The following GBP5 variants were observed in gnomAD, a reference collection of about 807,000 sequenced individuals.
GBP5 encodes guanylate-binding protein 5.
A neutral mutation model predicts 58.2 loss-of-function variants in GBP5; 48 were observed. That is an observed-to-expected ratio of 0.83 (90% CI 0.65 to 1.05). GBP5 has a LOEUF of 1.05. Among genes scored for constraint, GBP5 ranks in the 50% least tolerant of loss-of-function variants. The pLI is 0.00. For synonymous variants in GBP5, 248 were observed against 251.8 expected (o/e 0.98, Z 0.14); for missense variants, 714 against 686.8 (o/e 1.04, Z -0.44).
Position 89,262,516 on chromosome 1 carries a change from C to G in GBP5, c.1466-115G>C, listed in dbSNP as rs1650049028. The G allele has an allele frequency of 6.7e-6, 7 of 1,043,964 alleles. No homozygotes were observed. The South Asian group carries it at 1.1e-4, about 16-fold the overall frequency. 64.7% of individuals were successfully genotyped at this position (1,043,964 alleles called of 1,614,324 possible). On this transcript the variant is annotated intron_variant, in intron 10 of 11. Coordinates refer to ENST00000370459, the MANE Select transcript of GBP5 (RefSeq NM_052942.5). Reference sequence around the variant, plus strand: ...TAAAATTCCCAGGGGTTGTTTTTCCCTTCCAGGTAACCACAATGCAGGATC... The same window carrying G: ...TAAAATTCCCAGGGGTTGTTTTTCCGTTCCAGGTAACCACAATGCAGGATC...
rs899523260 is a variant in GBP5, at chr1:89,268,831, C to T, written c.216G>A (p.Gln72=). 1 of 1,613,972 alleles carries T rather than the reference C, an allele frequency of 6.2e-7. No homozygotes were observed. The highest frequency in any genetic ancestry group is 1.7e-5 in the Admixed American group (1 of 60,018). Residue 72 remains glutamine, a synonymous_variant, in exon 4 of 12, where the codon CAG becomes CAA. Transcript: ENST00000370459. ...ATATCCAAATTCCCTTGGTGTGAGA[C>T]TGCACCGTAGATGCAACAGAGAAGC... ...NKGFSVASTV[Q]SHTKGIWIWC...
chr1:89,262,884 T>C, intron 9 of GBP5, 99 bp from the exon 10 acceptor site: 1 of 725,798 alleles, frequency 1.4e-6, no homozygotes, highest in Non-Finnish European at 2.2e-6. Flanking sequence ...CTATTCCTCA[T>C]AGGAGAGGCT....
intron 5 of GBP5, 74 bp downstream of exon 5, chr1:89,267,343 T>A (rs1650261937): frequency 2.6e-6 from 3 of 1,143,626 alleles, no homozygotes; most frequent in Admixed American, 3.5e-5. Context: ...ATTCACAAGG[T>A]CTCACAGACA....
At chr1:89,269,283 A>T in intron 3 of GBP5, 83 bp downstream of exon 3, 1 of 1,339,176 alleles carries the variant, frequency 7.5e-7, no homozygotes, top group Non-Finnish European at 1.1e-6. Flanking sequence ...CTCATGTCTT[A>T]CTCTCTCCTT....
chr1:89,265,105 A>G lies in GBP5; in HGVS notation c.869-139T>C, dbSNP rs1244627081. 9 of 770,610 alleles carry G rather than the reference A, an allele frequency of 1.2e-5. No individual in the cohort carries two copies. The East Asian group carries it at 2.4e-4, about 21-fold the overall frequency. 47.7% of individuals were successfully genotyped at this position (770,610 alleles called of 1,614,324 possible). A position where few individuals can be genotyped will look rare whatever the true frequency, so the allele number is the denominator to read the frequency against. The stretch of plus-strand genomic sequence containing the variant: ...TATGGACAGTAGTCAAGTGGCCCAA[A>G]TAAGTTTATTTGGGAAACTGTGCTA... On this transcript the variant is annotated intron_variant, in intron 7 of 11. Coordinates refer to ENST00000370459, the MANE Select transcript of GBP5 (RefSeq NM_052942.5).
rs1262104307 is a variant in GBP5, at chr1:89,272,754, G to C, written c.-430C>G. On this transcript the variant is annotated 5_prime_UTR_variant, in exon 1 of 12. Transcript: ENST00000370459. The stretch of plus-strand genomic sequence containing the variant: ...GTGAAGCTGCAGACATTCCCAGTGA[G>C]TGTTACAGCTCATAAAGGCAGTGTG... 1 of 152,962 alleles carries C rather than the reference G, an allele frequency of 6.5e-6. No individual in the cohort carries two copies. Among genetic ancestry groups the C allele is most frequent in the African/African-American group, 2.4e-5 (1 of 41,466 alleles). 9.5% of individuals were successfully genotyped at this position (152,962 alleles called of 1,614,324 possible).
chr1:89,268,938 G>A lies in GBP5; in HGVS notation c.191-82C>T, dbSNP rs1328296420. ...GCTTGATCATTCAGCTAGAGTTTAA[G>A]GAAAGCAAGATGAGGAGATAGCAGA... On this transcript the variant is annotated intron_variant, in intron 3 of 11. Coordinates refer to ENST00000370459, the MANE Select transcript of GBP5 (RefSeq NM_052942.5). 7.6e-6 allele frequency: 11 copies of A among 1,444,574 alleles called. No homozygotes were observed. In the Admixed American group the frequency reaches 9.7e-5, roughly 13 times the overall value. The allele number at this position is 1,444,574 out of a possible 1,614,324, so 89.5% of individuals were successfully genotyped here.
In GBP5 at chr1:89,257,982, G is replaced by A. The variant is rs903141913; in HGVS notation, c.*2722C>T. ...AACTAGATCAGTTGATTTCACAACA[G>A]TAAGACAAAGAAAGTCAGAAAATAT... On this transcript the variant is annotated 3_prime_UTR_variant, in exon 12 of 12. Transcript: ENST00000370459. Among the ~76,000 whole-genome samples the A allele has an allele frequency of 5.3e-5, 8 of 152,222 alleles. No homozygotes were observed. Among genetic ancestry groups the A allele is most frequent in the Non-Finnish European group, 1.2e-4 (8 of 68,042 alleles).
Position 89,258,729 on chromosome 1 carries a change from A to G in GBP5, c.*1975T>C, listed in dbSNP as rs1301837682. On this transcript the variant is annotated 3_prime_UTR_variant, in exon 12 of 12. Transcript: ENST00000370459. The stretch of plus-strand genomic sequence containing the variant: ...TGGAAAATTCCTTATATGAGTAAGT[A>G]CTTATAAGGGAGAAAAACAGAGCTT... Among the ~76,000 whole-genome samples, 1 of 152,178 alleles carries G rather than the reference A, an allele frequency of 6.6e-6. No homozygotes were observed. The highest frequency in any genetic ancestry group is 1.5e-5 in the Non-Finnish European group (1 of 68,016).
chr1:89,260,657 T>C lies in GBP5; in HGVS notation c.*47A>G. On this transcript the variant is annotated 3_prime_UTR_variant, in exon 12 of 12. Transcript: ENST00000370459. ...GGTCTACAGTTTCTTTTCTGTTGTG[T>C]CATCAGTGACAAAGAGTAAAAAAAG... 8 of 1,102,664 alleles carry C rather than the reference T, an allele frequency of 7.3e-6. No individual in the cohort carries two copies. The highest frequency in any genetic ancestry group is 9.7e-6 in the Non-Finnish European group (7 of 721,108). The allele number at this position is 1,102,664 out of a possible 1,614,324, so 68.3% of individuals were successfully genotyped here.
At chr1:89,267,341 G>A (rs1273224931) in intron 5 of GBP5, 76 bp downstream of exon 5, 1 of 1,120,166 alleles carries the variant, frequency 8.9e-7, no homozygotes, top group African/African-American at 1.6e-5. Context: ...TGATTCACAA[G>A]GTCTCACAGA....
chr1:89,269,652 A>G, intron 2 of GBP5, 78 bp from the exon 3 acceptor site: 1 of 947,820 alleles, frequency 1.1e-6, no homozygotes, highest in Non-Finnish European at 1.6e-6. Context: ...TGCTTACTGA[A>G]CCTGGGGACA....
chr1:89,262,030 G>C, intron 11 of GBP5, 190 bp downstream of exon 11: 2 of 575,942 alleles, frequency 3.5e-6, no homozygotes, highest in Non-Finnish European at 6.2e-6. Flanking sequence ...AGGAAAATTA[G>C]GCACAGAGGT....
intron 11 of GBP5, 110 bp downstream of exon 11, chr1:89,262,110 C>T (rs948167248): frequency 1.0e-5 from 11 of 1,058,962 alleles, no homozygotes; most frequent in Non-Finnish European, 1.6e-5. Context: ...GACTTTCTGG[C>T]TCCAGACTCC....
rs1457183598 is a variant in GBP5 at position 89,269,527 on chromosome 1, G to C, written c.29C>G (p.Pro10Arg). 2 of 1,613,626 alleles carry C rather than the reference G, an allele frequency of 1.2e-6. No homozygotes were observed. The highest frequency in any genetic ancestry group is 2.7e-5 in the African/African-American group (2 of 74,988). ...ATTAAAGTTCTCGATGAGGCACATG[G>C]GGTCTGACATGTGGATCTCTAAAGC... The part of the protein sequence containing the change: MALEIHMSD[P>R]MCLIENFNEQ... The change falls in exon 3 of 12, where the codon CCC becomes CGC. Residue 10 changes from proline (P) to arginine (R), a missense_variant. Pro to Arg is a moderately radical substitution (Grantham distance 103, BLOSUM62 -2). Transcript: ENST00000370459.
chr1:89,266,357 A>C lies in GBP5; in HGVS notation c.857T>G (p.Val286Gly). 6.2e-7 allele frequency: 1 copy of C among 1,613,252 alleles called. No individual in the cohort carries two copies. The highest frequency in any genetic ancestry group is 8.5e-7 in the Non-Finnish European group (1 of 1,179,194). Residue 286 changes from valine to glycine, a missense_variant, in exon 7 of 12, where the codon GTC becomes GGC. Val to Gly is a moderately radical substitution (Grantham distance 109, BLOSUM62 -3). Transcript: ENST00000370459. ...MTKTLPGGIMVNGSRLKNLVL... is the reference protein window; with the variant it reads ...MTKTLPGGIMGNGSRLKNLVL... ...AAAATAATACTCACGAGATCCATTG[A>C]CCATGATGCCACCTGGAAGAGTCTT...
intron 8 of GBP5, among the ~76,000 whole-genome samples, 171 bp downstream of exon 8, chr1:89,264,515 G>T (rs539821510): frequency 3.3e-4 from 51 of 152,298 alleles, no homozygotes; most frequent in African/African-American, 1.2e-3. Context: ...ACAAGGTCCA[G>T]AGTAATTACA....
intron 9 of GBP5, 109 bp downstream of exon 9, chr1:89,263,627 A>G: frequency 1.4e-6 from 1 of 710,232 alleles, no homozygotes; most frequent in Non-Finnish European, 2.5e-6. Flanking sequence ...TACTAGACAG[A>G]GACATAAACC....
Position 89,260,432 on chromosome 1 carries a change from T to A in GBP5, c.*272A>T, listed in dbSNP as rs1169311733. 4 of 278,810 alleles carry A rather than the reference T, an allele frequency of 1.4e-5. No homozygotes were observed. In the Admixed American group the frequency reaches 1.5e-4, roughly 10 times the overall value. 17.3% of individuals were successfully genotyped at this position (278,810 alleles called of 1,614,324 possible). A position where few individuals can be genotyped will look rare whatever the true frequency, so the allele number is the denominator to read the frequency against. The stretch of plus-strand genomic sequence containing the variant: ...AGGAAAGCATCTCCTGATGAAACCA[T>A]CCCAATATCACGCATAAATGAAGGC... On this transcript the variant is annotated 3_prime_UTR_variant, in exon 12 of 12. Coordinates refer to ENST00000370459, the MANE Select transcript of GBP5 (RefSeq NM_052942.5).
Sources: gnomAD v4.1 joint callset for allele counts (sites outside exome capture counted in the v4.1 genomes callset) on GRCh38, gnomAD v4.1.1 for gene constraint, MANE v1.5 for transcripts, NCBI Gene and HGNC (gene_info 2026-07-23, HGNC 2026-07-21) for gene names.